FSTL1: variants seen among roughly 807,000 people sequenced by gnomAD.
FSTL1 encodes the protein follistatin-related protein 1.
Under a neutral mutation model 45.9 loss-of-function variants are expected in FSTL1, and 24 were observed. The ratio of observed to expected loss-of-function variants is 0.52; its 90% CI spans 0.38 to 0.74. The LOEUF (loss-of-function observed/expected upper bound fraction) is 0.74, where lower values mean the gene tolerates loss of function less well. FSTL1 is among the 30% of genes least tolerant of loss of function. The pLI is 0.00. For missense variants in FSTL1, 340 were observed against 381.8 expected (o/e 0.89, Z 0.91); for synonymous variants, 120 against 137.6 (o/e 0.87, Z 0.89).
At chr3:120,403,640 T>C (rs1265202401) in intron 7 of FSTL1, among the ~76,000 whole-genome samples, 2 of 152,148 alleles carry the variant, frequency 1.3e-5, no homozygotes, top group Non-Finnish European at 2.9e-5. Flanking sequence ...TTGTCTAATG[T>C]TTTCACTGCC....
At chr3:120,450,783 G>T in intron 1 of FSTL1, 37 bp from the exon 2 acceptor site, 1 of 1,501,452 alleles carries the variant, frequency 6.7e-7, no homozygotes, top group Non-Finnish European at 8.9e-7. Context: ...TGAAGGCGCC[G>T]GGCCCCGCGC....
At position 120,393,099 on chromosome 3, in the gene FSTL1, C is replaced by G. The variant is rs545188970; in HGVS notation, c.*3853G>C. The G allele has an allele frequency of 1.3e-5, 2 of 152,160 alleles. No individual in the cohort carries two copies. Among genetic ancestry groups the G allele is most frequent in the African/African-American group, 4.8e-5 (2 of 41,434 alleles). The allele number at this position is 152,160 out of a possible 1,614,324, so 9.4% of individuals were successfully genotyped here. ...TAAAAGTGGTTGTGGACAAGGTACC[C>G]TTCAAACTGGGTTTAAGATTCCCTT... On this transcript the variant is annotated 3_prime_UTR_variant, in exon 11 of 11. Transcript: ENST00000295633.
At chr3:120,409,153 GGAAA>G (rs1231160733) in intron 6 of FSTL1, among the ~76,000 whole-genome samples, 3 of 152,182 alleles carry the variant, frequency 2.0e-5, no homozygotes, top group African/African-American at 7.2e-5. Flanking sequence ...AAACTAGGCA[GGAAA>G]GAGGCCAAAG....
chr3:120,395,009 G>C lies in FSTL1; in HGVS notation c.*1943C>G, dbSNP rs888606492. The C allele has an allele frequency of 6.6e-6, 1 of 152,550 alleles. No individual in the cohort carries two copies. The highest frequency in any genetic ancestry group is 2.4e-5 in the African/African-American group (1 of 41,446). The allele number at this position is 152,550 out of a possible 1,614,324, so 9.4% of individuals were successfully genotyped here. A position where few individuals can be genotyped will look rare whatever the true frequency, so the allele number is the denominator to read the frequency against. ...CTGGTAAAACCTTTGATTAAGGCGT[G>C]CTGCTGTGAGTTCTCCAAGGCACTT... On this transcript the variant is annotated 3_prime_UTR_variant, in exon 11 of 11. Coordinates refer to ENST00000295633, the MANE Select transcript of FSTL1 (RefSeq NM_007085.5).
At chr3:120,410,608 G>C (rs1252290826) in intron 5 of FSTL1, 3 of 389,890 alleles carry the variant, frequency 7.7e-6, no homozygotes, top group African/African-American at 6.2e-5. Context: ...CTTTCAAAAA[G>C]AGTTGTGCCT....
intron 2 of FSTL1, among the ~76,000 whole-genome samples, chr3:120,421,959 C>T (rs1322580226): frequency 6.6e-6 from 1 of 152,164 alleles, no homozygotes; most frequent in Admixed American, 6.5e-5. Flanking sequence ...GAAATCAAAG[C>T]TTAATTAGCT....
rs116053768 is a variant in FSTL1 at position 120,430,361 on chromosome 3, C to A, written c.64-14334G>T. Among the ~76,000 whole-genome samples the A allele has an allele frequency of 3.5e-3, 537 of 152,248 alleles. 3 individuals are homozygous for A. The highest frequency in any genetic ancestry group is 0.012 in the African/African-American group (507 of 41,524). On this transcript the variant is annotated intron_variant, in intron 2 of 10. Coordinates refer to ENST00000295633, the MANE Select transcript of FSTL1 (RefSeq NM_007085.5). ...GGGCCAACATGCCTAATTTATTGCA[C>A]CTATTACTCAGACAGGTCCTGAAAA...
chr3:120,427,214 C>T (rs1178070487), intron 2 of FSTL1, among the ~76,000 whole-genome samples: 1 of 152,208 alleles, frequency 6.6e-6, no homozygotes, highest in African/African-American at 2.4e-5. Flanking sequence ...ACCACTCCAT[C>T]CTCAGTGACC....
At position 120,393,718 on chromosome 3, in the gene FSTL1, G is replaced by A. The variant is rs1328212572; in HGVS notation, c.*3234C>T. ...TGTTTATGTCCCCCAAAATTCATAT[G>A]TTAAAATTGAATCCCCAAAGCAATG... On this transcript the variant is annotated 3_prime_UTR_variant, in exon 11 of 11. Transcript: ENST00000295633. The A allele has an allele frequency of 6.6e-6, 1 of 152,160 alleles. No homozygotes were observed. The highest frequency in any genetic ancestry group is 2.4e-5 in the African/African-American group (1 of 41,422). The allele number at this position is 152,160 out of a possible 1,614,324, so 9.4% of individuals were successfully genotyped here.
chr3:120,414,513 G>C (rs1475898633), intron 3 of FSTL1, among the ~76,000 whole-genome samples: 3 of 152,152 alleles, frequency 2.0e-5, no homozygotes, highest in Non-Finnish European at 4.4e-5. Context: ...ATTGAGAACG[G>C]GCCAGGATGA....
chr3:120,440,329 G>C (rs1158285483), intron 2 of FSTL1, among the ~76,000 whole-genome samples: 1 of 152,202 alleles, frequency 6.6e-6, no homozygotes, highest in African/African-American at 2.4e-5. Context: ...TATAACAACT[G>C]ATGTTACCTG....
At chr3:120,403,001 T>G in intron 8 of FSTL1, 83 bp from the exon 9 acceptor site, 1 of 924,880 alleles carries the variant, frequency 1.1e-6, no homozygotes, top group South Asian at 1.3e-5. Context: ...CACCTTACCC[T>G]TTTTTCCCAG....
At position 120,411,879 on chromosome 3, in the gene FSTL1, C is replaced by T. The variant is rs1268395046; in HGVS notation, c.273G>A (p.Gln91=). The change falls in exon 4 of 11, where the codon CAG becomes CAA. Residue 91 remains glutamine, a synonymous_variant. Transcript: ENST00000295633. The part of the protein sequence containing the change: ...RDACLTGSKI[Q]VDYDGHCKEK... The stretch of plus-strand genomic sequence containing the variant: ...CTTTGCAGTGTCCATCGTAATCAAC[C>T]TGGATTTTGGATCCAGTGAGGCAGG... 3 of 1,614,102 alleles carry T rather than the reference C, an allele frequency of 1.9e-6. No homozygotes were observed. In the South Asian group the frequency reaches 3.3e-5, roughly 18 times the overall value.
At chr3:120,444,843 G>A (rs1036943706) in intron 2 of FSTL1, among the ~76,000 whole-genome samples, 3 of 149,774 alleles carry the variant, frequency 2.0e-5, no homozygotes, top group African/African-American at 7.7e-5. Context: ...GCTGGGGGGT[G>A]TGTGCTTTTT....
chr3:120,434,590 C>T (rs910394512), intron 2 of FSTL1, among the ~76,000 whole-genome samples: 1 of 152,174 alleles, frequency 6.6e-6, no homozygotes, highest in Non-Finnish European at 1.5e-5. Context: ...ACTTATTATA[C>T]TTCCTTCTAG....
At position 120,404,983 on chromosome 3, in the gene FSTL1, A is replaced by G. The variant is rs759840922; in HGVS notation, c.463-12T>C. The G allele has an allele frequency of 4.4e-6, 6 of 1,354,908 alleles. No individual in the cohort carries two copies. In the Middle Eastern group the frequency reaches 7.2e-4, roughly 162 times the overall value. 83.9% of individuals were successfully genotyped at this position (1,354,908 alleles called of 1,614,324 possible). A position where few individuals can be genotyped will look rare whatever the true frequency, so the allele number is the denominator to read the frequency against. ...CCATTATCAAAGTTCTAGAAAGGGCATGACAAGATCGTTCAGGGATGTTTT... is the reference window on the plus strand; with the variant it reads ...CCATTATCAAAGTTCTAGAAAGGGCGTGACAAGATCGTTCAGGGATGTTTT... On this transcript the variant is annotated splice_polypyrimidine_tract_variant and intron_variant, in intron 6 of 10. Coordinates refer to ENST00000295633, the MANE Select transcript of FSTL1 (RefSeq NM_007085.5).
intron 2 of FSTL1, among the ~76,000 whole-genome samples, chr3:120,435,876 C>T (rs989356143): frequency 4.6e-5 from 7 of 152,198 alleles, no homozygotes; most frequent in African/African-American, 1.7e-4. Context: ...CTCTAATCCA[C>T]ACAGCAATTC....
intron 4 of FSTL1, 118 bp downstream of exon 4, chr3:120,411,734 CCA>C: frequency 3.3e-6 from 3 of 921,804 alleles, no homozygotes; most frequent in South Asian, 1.6e-5. Flanking sequence ...TGGGCGCTTT[CCA>C]CAGCTTTGAG....
In FSTL1 at chr3:120,395,062, C is replaced by G. The variant is rs901197380; in HGVS notation, c.*1890G>C. The G allele has an allele frequency of 6.5e-6, 1 of 153,226 alleles. No individual in the cohort carries two copies. Among genetic ancestry groups the G allele is most frequent in the African/African-American group, 2.4e-5 (1 of 41,434 alleles). The allele number at this position is 153,226 out of a possible 1,614,324, so 9.5% of individuals were successfully genotyped here. ...ACAGGGAGCTGCATTTCAGACTGAA[C>G]AAGTGGAGTTTGAAGAGTTTTTAGA... On this transcript the variant is annotated 3_prime_UTR_variant, in exon 11 of 11. Coordinates refer to ENST00000295633, the MANE Select transcript of FSTL1 (RefSeq NM_007085.5).
Sources: allele counts gnomAD v4.1 joint callset (sites outside exome capture counted in the v4.1 genomes callset), GRCh38; gene constraint gnomAD v4.1.1; transcripts MANE v1.5; gene names NCBI Gene and HGNC (gene_info 2026-07-23, HGNC 2026-07-21).